USP45: variants seen among roughly 807,000 people sequenced by gnomAD.
USP45 encodes the protein ubiquitin specific peptidase 45.
Under a neutral mutation model 95.8 loss-of-function variants are expected in USP45, and 89 were observed. That is an observed-to-expected ratio of 0.93 (90% CI 0.78 to 1.11). The LOEUF (loss-of-function observed/expected upper bound fraction) is 1.11, where lower values mean the gene tolerates loss of function less well. USP45 is among the 50% of genes least tolerant of loss of function. USP45 has a pLI of 0.00. For synonymous variants in USP45, 281 were observed against 316.2 expected (o/e 0.89, Z 1.18); for missense variants, 898 against 942.5 (o/e 0.95, Z 0.62).
chr6:99,433,505 C>T lies in USP45; in HGVS notation c.*2211G>A, dbSNP rs550507755. The T allele has an allele frequency of 6.5e-6, 1 of 152,680 alleles. No individual in the cohort carries two copies. The highest frequency in any genetic ancestry group is 2.4e-5 in the African/African-American group (1 of 41,570). The allele number at this position is 152,680 out of a possible 1,614,324, so 9.5% of individuals were successfully genotyped here. ...TAAGGTAGACCCATGTGTAATTTAA[C>T]ATGCTTTCTCTGTTACAAAAGCTAT... is the stretch of plus-strand genomic sequence containing the variant. On this transcript the variant is annotated 3_prime_UTR_variant, in exon 18 of 18. Coordinates refer to ENST00000500704, the MANE Select transcript of USP45 (RefSeq NM_001346022.3).
At chr6:99,444,869 C>T (rs559818742) in intron 14 of USP45, among the ~76,000 whole-genome samples, 1 of 152,318 alleles carries the variant, frequency 6.6e-6, no homozygotes, top group Non-Finnish European at 1.5e-5. Context: ...GAATAACACA[C>T]TATTTCTTCA....
chr6:99,516,323 C>G (rs1801107286), upstream of USP45, among the ~76,000 whole-genome samples: 1 of 152,168 alleles, frequency 6.6e-6, no homozygotes, highest in Admixed American at 6.5e-5. Flanking sequence ...ATGGATATTG[C>G]AAATGCCAAC....
At chr6:99,463,336 C>T (rs1787006615) in intron 13 of USP45, among the ~76,000 whole-genome samples, 1 of 152,084 alleles carries the variant, frequency 6.6e-6, no homozygotes. Flanking sequence ...TGGAAGTATA[C>T]ATGCCACCAC....
chr6:99,488,350 T>G, intron 6 of USP45, 55 bp from the exon 7 acceptor site: 1 of 1,159,158 alleles, frequency 8.6e-7, no homozygotes, highest in Admixed American at 2.3e-5. Flanking sequence ...GCCTCTGATT[T>G]TATGGAATAC....
At position 99,434,396 on chromosome 6, in the gene USP45, C is replaced by CT. The variant is rs1367534853; in HGVS notation, c.*1319dup. On this transcript the variant is annotated 3_prime_UTR_variant, in exon 18 of 18. Transcript: ENST00000500704. ...GGCATTTACCTGGCACTTGCCTGCACTATCATTCATTGGCACTAATGATTA... is the reference window on the plus strand; with the variant it reads ...GGCATTTACCTGGCACTTGCCTGCACTTATCATTCATTGGCACTAATGATTA... 6.6e-6 allele frequency: 1 copy of CT among 152,182 alleles called. No individual in the cohort carries two copies. The highest frequency in any genetic ancestry group is 1.5e-5 in the Non-Finnish European group (1 of 68,028). The allele number at this position is 152,182 out of a possible 1,614,324, so 9.4% of individuals were successfully genotyped here.
chr6:99,462,744 C>T (rs1786787122), intron 13 of USP45: 1 of 965,826 alleles, frequency 1.0e-6, no homozygotes, highest in African/African-American at 1.8e-5. Flanking sequence ...CTTTGGGAGA[C>T]CAAGGCAGGT....
At chr6:99,436,828 G>C (rs1780571984) in intron 17 of USP45, among the ~76,000 whole-genome samples, 2 of 151,910 alleles carry the variant, frequency 1.3e-5, no homozygotes, top group South Asian at 4.1e-4. Context: ...GGCTGGGCAT[G>C]GTGGCTCACA....
chr6:99,435,598 C>G lies in USP45; in HGVS notation c.*118G>C, dbSNP rs902648690. 16 of 819,576 alleles carry G rather than the reference C, an allele frequency of 2.0e-5. No individual in the cohort carries two copies. Among genetic ancestry groups the G allele is most frequent in the Non-Finnish European group, 2.6e-5 (15 of 570,270 alleles). The allele number at this position is 819,576 out of a possible 1,614,324, so 50.8% of individuals were successfully genotyped here. A position where few individuals can be genotyped will look rare whatever the true frequency, so the allele number is the denominator to read the frequency against. On this transcript the variant is annotated 3_prime_UTR_variant, in exon 18 of 18. Coordinates refer to ENST00000500704, the MANE Select transcript of USP45 (RefSeq NM_001346022.3). ...CCAAAATGGTGAAAAAGTTCAGGAC[C>G]ATTTGAGGAACATGCTATTCCTACA...
intron 1 of USP45, among the ~76,000 whole-genome samples, chr6:99,513,475 T>G (rs1276420334): frequency 6.6e-6 from 1 of 152,122 alleles, no homozygotes; most frequent in African/African-American, 2.4e-5. Context: ...CAATTTAAAT[T>G]TGATGTCCTG....
intron 13 of USP45, 152 bp downstream of exon 13, chr6:99,464,452 T>C: frequency 1.5e-6 from 1 of 655,946 alleles, no homozygotes; most frequent in Non-Finnish European, 2.5e-6. Context: ...ATATATATAG[T>C]TAGTATACAA....
chr6:99,466,869 GTAC>G, intron 10 of USP45, 106 bp from the exon 11 acceptor site: 1 of 735,098 alleles, frequency 1.4e-6, no homozygotes, highest in Non-Finnish European at 2.3e-6. Context: ...AAGATATTCT[GTAC>G]TACATTTAAT....
intron 6 of USP45, 22 bp from the exon 7 acceptor site, chr6:99,488,317 G>C: frequency 1.3e-6 from 2 of 1,507,384 alleles, no homozygotes; most frequent in Non-Finnish European, 1.8e-6. Context: ...CAAAATTAAA[G>C]TCTTCAGATT....
At chr6:99,485,732 C>T (rs1373665485) in intron 7 of USP45, among the ~76,000 whole-genome samples, 1 of 152,158 alleles carries the variant, frequency 6.6e-6, no homozygotes, top group African/African-American at 2.4e-5. Flanking sequence ...TTTCCACACA[C>T]ACTGTTGATA....
intron 16 of USP45, among the ~76,000 whole-genome samples, chr6:99,438,413 G>A (rs895580834): frequency 6.6e-6 from 1 of 152,124 alleles, no homozygotes; most frequent in Admixed American, 6.5e-5. Flanking sequence ...GAGCAAACAG[G>A]TAGAATGTCA....
rs184626406 is a variant in USP45, at chr6:99,478,213, T to G, written c.846-1983A>C. The stretch of plus-strand genomic sequence containing the variant: ...ACCACTGAAGAAAATTTAATAAACT[T>G]AGATTTGTTTTTTTTTTTTTTTTTT... On this transcript the variant is annotated intron_variant, in intron 8 of 17. Coordinates refer to ENST00000500704, the MANE Select transcript of USP45 (RefSeq NM_001346022.3). Among the ~76,000 whole-genome samples the G allele has an allele frequency of 1.6e-3, 225 of 136,926 alleles. 1 individual carries two copies. Among genetic ancestry groups the G allele is most frequent in the Non-Finnish European group, 2.8e-3 (183 of 64,698 alleles). 89.8% of individuals were successfully genotyped at this position (136,926 alleles called of 152,430 possible).
chr6:99,497,041 A>T (rs1438533166), intron 5 of USP45, among the ~76,000 whole-genome samples: 1 of 152,150 alleles, frequency 6.6e-6, no homozygotes, highest in Non-Finnish European at 1.5e-5. Context: ...TATCATACAG[A>T]GTAGTTTTAT....
At chr6:99,507,585 T>A in intron 3 of USP45, 54 bp from the exon 4 acceptor site, 1 of 1,244,118 alleles carries the variant, frequency 8.0e-7, no homozygotes, top group Non-Finnish European at 1.2e-6. Flanking sequence ...TGTTTCAAAT[T>A]AATCAAAACT....
At chr6:99,512,633 C>T (rs1800133431) in intron 1 of USP45, among the ~76,000 whole-genome samples, 2 of 152,120 alleles carry the variant, frequency 1.3e-5, no homozygotes, top group Admixed American at 1.3e-4. Flanking sequence ...CAATTCAGTA[C>T]TAAATTCCAA....
rs187534342 is a variant in USP45 at position 99,444,054 on chromosome 6, C to T, written c.1976-392G>A. ...TTTTTCTTTTGAGATTGCTGTTACC[C>T]AGGCTGAAGTGCAGTGAGGTGGTCA... On this transcript the variant is annotated intron_variant, in intron 14 of 17. Coordinates refer to ENST00000500704, the MANE Select transcript of USP45 (RefSeq NM_001346022.3). 3.8e-4 allele frequency among the ~76,000 whole-genome samples: 58 copies of T among 152,046 alleles called. No homozygotes were observed. The East Asian group carries it at 0.01, about 27-fold the overall frequency.
Sources: allele counts gnomAD v4.1 joint callset (sites outside exome capture counted in the v4.1 genomes callset), GRCh38; gene constraint gnomAD v4.1.1; transcripts MANE v1.5; gene names NCBI Gene and HGNC (gene_info 2026-07-23, HGNC 2026-07-21).